Variants in LHCGR observed in about 807,000 individuals in gnomAD.
The protein encoded by LHCGR is luteinizing hormone/choriogonadotropin receptor, also known as lutropin-choriogonadotropic hormone receptor.
A neutral mutation model predicts 60.7 loss-of-function variants in LHCGR; 55 were observed. That is an observed-to-expected ratio of 0.91 (90% CI 0.73 to 1.13). The LOEUF (loss-of-function observed/expected upper bound fraction) is 1.13. Ranked by LOEUF, LHCGR falls within the 50% of genes most tolerant of loss-of-function variation. The pLI is 0.00. For missense variants in LHCGR, 862 were observed against 836.0 expected (o/e 1.03, Z -0.38); for synonymous variants, 337 against 316.5 (o/e 1.06, Z -0.69).
chr2:48,754,673 C>G (rs1365582926), intron 1 of LHCGR, among the ~76,000 whole-genome samples: 2 of 151,916 alleles, frequency 1.3e-5, no homozygotes, highest in Non-Finnish European at 2.9e-5. Flanking sequence ...GCCCTGGTAA[C>G]TACTAATCTA....
At chr2:48,729,046 T>G in intron 3 of LHCGR, 107 bp downstream of exon 3, 18 of 916,030 alleles carry the variant, frequency 2.0e-5, no homozygotes, top group Non-Finnish European at 3.1e-5. Context: ...TGTAGTCTTT[T>G]CCTTTTGGAT....
intron 3 of LHCGR, 116 bp from the exon 4 acceptor site, chr2:48,725,866 C>A: frequency 2.4e-6 from 2 of 834,820 alleles, no homozygotes; most frequent in Non-Finnish European, 4.1e-6. Flanking sequence ...CAAAAGCAGG[C>A]GACCTTCATA....
Position 48,688,772 on chromosome 2 carries a change from C to T in LHCGR, c.1025G>A (p.Arg342Gln), listed in dbSNP as rs149957775. 16 of 1,613,968 alleles carry T rather than the reference C, an allele frequency of 9.9e-6. No homozygotes were observed. The highest frequency in any genetic ancestry group is 1.6e-4 in the Middle Eastern group (1 of 6,084). ...EYGFCLPKTPRCAPEPDAFNP... is the reference protein window; with the variant it reads ...EYGFCLPKTPQCAPEPDAFNP... The stretch of plus-strand genomic sequence containing the variant: ...AAAAGCATCTGGTTCAGGAGCACAT[C>T]GGGGTGTCTTGGGTAAGCAGAAACC... The change falls in exon 11 of 11, where the codon CGA becomes CAA. Residue 342 changes from arginine to glutamine, a missense_variant. Arg to Gln is a conservative substitution (Grantham distance 43). Transcript: ENST00000294954. The surrounding 1 kb of genome is among the most constrained non-coding windows in gnomAD (Gnocchi z 5.2).
chr2:48,729,231 G>C lies in LHCGR; in HGVS notation c.234-4C>G, dbSNP rs755168389. On this transcript the variant is annotated splice_region_variant and splice_polypyrimidine_tract_variant and intron_variant, in intron 2 of 10. Coordinates refer to ENST00000294954, the MANE Select transcript of LHCGR (RefSeq NM_000233.4). The stretch of plus-strand genomic sequence containing the variant: ...GGAATCAATCTGAGAGATTTCACTA[G>C]GGAAGAGAGGAGGGGGAAAAAGAGA... 2.5e-6 allele frequency: 4 copies of C among 1,598,558 alleles called. No individual in the cohort carries two copies. The South Asian group carries it at 3.3e-5, about 13-fold the overall frequency.
intron 3 of LHCGR, among the ~76,000 whole-genome samples, chr2:48,726,174 C>G (rs983985895): frequency 6.6e-6 from 1 of 152,106 alleles, no homozygotes; most frequent in African/African-American, 2.4e-5. Context: ...AACTCGTCCT[C>G]TTCATATTGG....
At chr2:48,739,668 G>T (rs181784495) in intron 1 of LHCGR, among the ~76,000 whole-genome samples, 4 of 151,944 alleles carry the variant, frequency 2.6e-5, no homozygotes, top group Non-Finnish European at 5.9e-5. Flanking sequence ...GTTGTGGGGT[G>T]GGGGGAGTGG....
intron 1 of LHCGR, among the ~76,000 whole-genome samples, chr2:48,737,170 T>C (rs1285343387): frequency 6.6e-6 from 1 of 152,234 alleles, no homozygotes; most frequent in East Asian, 1.9e-4. Flanking sequence ...GTGAAGTGTT[T>C]TTATTCACTA....
intron 4 of LHCGR, among the ~76,000 whole-genome samples, chr2:48,725,225 A>G (rs1402226081): frequency 6.6e-6 from 1 of 152,226 alleles, no homozygotes; most frequent in Non-Finnish European, 1.5e-5. Flanking sequence ...GGCAATACTT[A>G]AAAAGTTTTC....
At chr2:48,750,112 TA>T (rs1669895832) in intron 1 of LHCGR, among the ~76,000 whole-genome samples, 1 of 152,122 alleles carries the variant, frequency 6.6e-6, no homozygotes, top group Non-Finnish European at 1.5e-5. Context: ...AGGTGGGACA[TA>T]AACTTTCTTA....
chr2:48,700,854 A>T (rs759029321), intron 8 of LHCGR, among the ~76,000 whole-genome samples: 8 of 152,134 alleles, frequency 5.3e-5, no homozygotes, highest in Non-Finnish European at 1.2e-4. Flanking sequence ...TATTAGAGGG[A>T]GTTAGGATTG....
At chr2:48,752,391 G>A (rs958425437) in intron 1 of LHCGR, among the ~76,000 whole-genome samples, 2 of 152,154 alleles carry the variant, frequency 1.3e-5, no homozygotes, top group African/African-American at 4.8e-5. Context: ...GAATCCTAAG[G>A]TGCTCTGCAG....
At chr2:48,691,627 C>T (rs1054442155) in intron 10 of LHCGR, among the ~76,000 whole-genome samples, 1 of 152,098 alleles carries the variant, frequency 6.6e-6, no homozygotes, top group African/African-American at 2.4e-5. Context: ...TGGCAGATCA[C>T]CTGAGGTCAG....
rs762105595 is a variant in LHCGR, at chr2:48,725,651, T to C, written c.383+25A>G. ...CAGATGCCCATCTTCCCCTCCCCAA[T>C]TGCTTAAAAAGGAAAATTTCTCACA... On this transcript the variant is annotated intron_variant, in intron 4 of 10. Coordinates refer to ENST00000294954, the MANE Select transcript of LHCGR (RefSeq NM_000233.4). The C allele has an allele frequency of 4.5e-6, 7 of 1,563,456 alleles. No individual in the cohort carries two copies. The African/African-American group carries it at 9.5e-5, about 21-fold the overall frequency.
At chr2:48,718,376 C>T (rs935647696) in intron 6 of LHCGR, among the ~76,000 whole-genome samples, 21 of 152,090 alleles carry the variant, frequency 1.4e-4, no homozygotes, top group East Asian at 5.8e-4. Flanking sequence ...TTATAATGAA[C>T]CCCAAATATT....
At chr2:48,731,379 G>C in intron 1 of LHCGR, 81 bp from the exon 2 acceptor site, 1 of 917,006 alleles carries the variant, frequency 1.1e-6, no homozygotes, top group Non-Finnish European at 1.8e-6. Context: ...ATGGGTATGT[G>C]TATGTGTGTG....
intron 1 of LHCGR, among the ~76,000 whole-genome samples, chr2:48,747,659 C>T (rs1669771568): frequency 6.6e-6 from 1 of 152,104 alleles, no homozygotes; most frequent in South Asian, 2.1e-4. Flanking sequence ...TTGGAACCGA[C>T]TCCTTGTAAA....
Position 48,688,768 on chromosome 2 carries a change from A to G in LHCGR, c.1029T>C (p.Cys343=). The G allele has an allele frequency of 1.2e-6, 2 of 1,614,184 alleles. No homozygotes were observed. Among genetic ancestry groups the G allele is most frequent in the East Asian group, 4.5e-5 (2 of 44,880 alleles). ...GATTAAAAGCATCTGGTTCAGGAGC[A>G]CATCGGGGTGTCTTGGGTAAGCAGA... is the stretch of plus-strand genomic sequence containing the variant. The part of the protein sequence containing the change: ...YGFCLPKTPR[C]APEPDAFNPC... Residue 343 remains cysteine, a synonymous_variant, in exon 11 of 11, where the codon TGT becomes TGC. Transcript: ENST00000294954. The surrounding 1 kb of genome is among the most constrained non-coding windows in gnomAD (Gnocchi z 5.2).
chr2:48,755,482 GC>G, intron 1 of LHCGR, 28 bp downstream of exon 1: 1 of 1,425,608 alleles, frequency 7.0e-7, no homozygotes, highest in Non-Finnish European at 9.6e-7. Flanking sequence ...TGCATCAAGG[GC>G]GCCGCGACGG....
At chr2:48,730,932 A>C (rs1237369375) in intron 2 of LHCGR, among the ~76,000 whole-genome samples, 1 of 152,118 alleles carries the variant, frequency 6.6e-6, no homozygotes, top group Non-Finnish European at 1.5e-5. Context: ...GCAGAAGGAG[A>C]ATTTTTATGA....
Sources: allele counts gnomAD v4.1 joint callset (sites outside exome capture counted in the v4.1 genomes callset), GRCh38; gene constraint gnomAD v4.1.1; non-coding constraint Gnocchi (gnomAD v3.1); transcripts MANE v1.5; gene names NCBI Gene and HGNC (gene_info 2026-07-23, HGNC 2026-07-21).